The following CCL8 variants were observed in gnomAD, a reference collection of about 807,000 sequenced individuals.
CCL8 encodes C-C motif chemokine 8.
Under a neutral mutation model 6.6 loss-of-function variants are expected in CCL8, and 3 were observed. The ratio of observed to expected loss-of-function variants is 0.45; its 90% CI spans 0.21 to 1.17. The LOEUF (loss-of-function observed/expected upper bound fraction) is 1.17. Among genes scored for constraint, CCL8 ranks in the 50% most tolerant of loss-of-function variants. CCL8 has a pLI of 0.24. For synonymous variants in CCL8, 49 were observed against 41.8 expected, an observed-to-expected ratio of 1.17 and a Z score of -0.67; for missense variants, 127 against 118.1, an observed-to-expected ratio of 1.08 and a Z score of -0.35.
chr17:34,320,735 A>G (rs1479776473), intron 2 of CCL8, 67 bp from the exon 3 acceptor site: 4 of 1,012,130 alleles, frequency 4.0e-6, no homozygotes, highest in Non-Finnish European at 6.0e-6. Flanking sequence ...TCTAGGGACC[A>G]ATGGCCCACA....
rs1208626218 is a variant in CCL8 at position 34,319,692 on chromosome 17, C to T, written c.76+115C>T. The T allele has an allele frequency of 3.9e-6, 3 of 763,366 alleles. No homozygotes were observed. The East Asian group carries it at 7.9e-5, about 20-fold the overall frequency. The allele number at this position is 763,366 out of a possible 1,614,324, so 47.3% of individuals were successfully genotyped here. A position where few individuals can be genotyped will look rare whatever the true frequency, so the allele number is the denominator to read the frequency against. On this transcript the variant is annotated intron_variant, in intron 1 of 2. Transcript: ENST00000394620. ...AAGGCTCAGGTCACTGAGGCTGGTTCCCTTGATCTTTCCTGACCCCAGTTT... is the reference window on the plus strand; with the variant it reads ...AAGGCTCAGGTCACTGAGGCTGGTTTCCTTGATCTTTCCTGACCCCAGTTT...
At chr17:34,320,723 G>T in intron 2 of CCL8, 79 bp from the exon 3 acceptor site, 1 of 920,972 alleles carries the variant, frequency 1.1e-6, no homozygotes, top group Non-Finnish European at 1.7e-6. Flanking sequence ...GGGCTGATCA[G>T]TTCTAGGGAC....
chr17:34,321,044 A>C lies in CCL8; in HGVS notation c.*137A>C, dbSNP rs1909508909. Reference sequence around the variant, plus strand: ...ATTTTTAAATAATTTAAAGCATAATATTTCTTAAAAAGTATTTAATTATAT... The same window carrying C: ...ATTTTTAAATAATTTAAAGCATAATCTTTCTTAAAAAGTATTTAATTATAT... On this transcript the variant is annotated 3_prime_UTR_variant, in exon 3 of 3. Transcript: ENST00000394620. 1 of 579,746 alleles carries C rather than the reference A, an allele frequency of 1.7e-6. No homozygotes were observed. Among genetic ancestry groups the C allele is most frequent in the Non-Finnish European group, 3.0e-6 (1 of 333,796 alleles). The allele number at this position is 579,746 out of a possible 1,614,324, so 35.9% of individuals were successfully genotyped here.
intron 2 of CCL8, 130 bp downstream of exon 2, chr17:34,320,516 A>G: frequency 1.5e-6 from 1 of 675,790 alleles, no homozygotes; most frequent in East Asian, 2.6e-5. Context: ...CCATAGAGAA[A>G]CTCAGTCCAT....
chr17:34,320,260 T>G lies in CCL8; in HGVS notation c.77-9T>G. The G allele has an allele frequency of 6.3e-7, 1 of 1,587,178 alleles. No individual in the cohort carries two copies. Among genetic ancestry groups the G allele is most frequent in the Non-Finnish European group, 8.7e-7 (1 of 1,155,628 alleles). Reference sequence around the variant, plus strand: ...CTAAATGTCTCATTCTTTGCAAAATTTCTTTCAGATTCAGTTTCCATTCCA... The same window carrying G: ...CTAAATGTCTCATTCTTTGCAAAATGTCTTTCAGATTCAGTTTCCATTCCA... On this transcript the variant is annotated splice_polypyrimidine_tract_variant and intron_variant, in intron 1 of 2. Transcript: ENST00000394620.
chr17:34,320,399 T>C lies in CCL8; in HGVS notation c.194+13T>C. ...AGGAAGCTGTGATGTGAGTGGACAG[T>C]GCCTGGCACCCCCATTCAAAAGTTC... is the stretch of plus-strand genomic sequence containing the variant. On this transcript the variant is annotated intron_variant, in intron 2 of 2. Transcript: ENST00000394620. 1 of 1,511,284 alleles carries C rather than the reference T, an allele frequency of 6.6e-7. No homozygotes were observed. The highest frequency in any genetic ancestry group is 9.2e-7 in the Non-Finnish European group (1 of 1,086,152). The allele number at this position is 1,511,284 out of a possible 1,614,324, so 93.6% of individuals were successfully genotyped here. A position where few individuals can be genotyped will look rare whatever the true frequency, so the allele number is the denominator to read the frequency against.
Position 34,320,823 on chromosome 17 carries a change from G to A in CCL8, c.216G>A (p.Lys72=), listed in dbSNP as rs1232177078. 1.2e-6 allele frequency: 2 copies of A among 1,606,888 alleles called. No individual in the cohort carries two copies. Among genetic ancestry groups the A allele is most frequent in the Non-Finnish European group, 1.7e-6 (2 of 1,177,662 alleles). The stretch of plus-strand genomic sequence containing the variant: ...ACAGCTTCAAGACCAAACGGGGCAA[G>A]GAGGTCTGTGCTGACCCCAAGGAGA... ...EAVIFKTKRG[K]EVCADPKERW... is the part of the protein sequence containing the mutation. Residue 72 remains lysine, a synonymous_variant, in exon 3 of 3, where the codon AAG becomes AAA. Coordinates refer to ENST00000394620, the MANE Select transcript of CCL8 (RefSeq NM_005623.3).
Position 34,320,256 on chromosome 17 carries a change from A to G in CCL8, c.77-13A>G, listed in dbSNP as rs1909478661. The G allele has an allele frequency of 6.3e-7, 1 of 1,579,486 alleles. No homozygotes were observed. The highest frequency in any genetic ancestry group is 1.3e-5 in the African/African-American group (1 of 74,336). Reference sequence around the variant, plus strand: ...GGTCCTAAATGTCTCATTCTTTGCAAAATTTCTTTCAGATTCAGTTTCCAT... The same window carrying G: ...GGTCCTAAATGTCTCATTCTTTGCAGAATTTCTTTCAGATTCAGTTTCCAT... On this transcript the variant is annotated splice_polypyrimidine_tract_variant and intron_variant, in intron 1 of 2. Coordinates refer to ENST00000394620, the MANE Select transcript of CCL8 (RefSeq NM_005623.3).
chr17:34,319,696 T>C, intron 1 of CCL8, 119 bp downstream of exon 1: 1 of 717,302 alleles, frequency 1.4e-6, no homozygotes, highest in Non-Finnish European at 2.3e-6. Context: ...CTGGTTCCCT[T>C]GATCTTTCCT....
intron 1 of CCL8, among the ~76,000 whole-genome samples, 182 bp from the exon 2 acceptor site, chr17:34,320,087 G>A (rs1202657296): frequency 1.3e-5 from 2 of 152,134 alleles, no homozygotes; most frequent in East Asian, 1.9e-4. Context: ...CAACAATGAC[G>A]GGCCGCAGAG....
rs199719039 is a variant in CCL8 at position 34,320,811 on chromosome 17, C to T, written c.204C>T (p.Thr68=). Residue 68 remains threonine (T), a synonymous_variant, in exon 3 of 3, where the codon ACC becomes ACT. Coordinates refer to ENST00000394620, the MANE Select transcript of CCL8 (RefSeq NM_005623.3). The part of the protein sequence containing the change: ...QCPKEAVIFK[T]KRGKEVCADP... ...CCTCTCTCCCCCACAGCTTCAAGACCAAACGGGGCAAGGAGGTCTGTGCTG... is the reference window on the plus strand; with the variant it reads ...CCTCTCTCCCCCACAGCTTCAAGACTAAACGGGGCAAGGAGGTCTGTGCTG... The T allele has an allele frequency of 6.2e-7, 1 of 1,603,702 alleles. No individual in the cohort carries two copies. The highest frequency in any genetic ancestry group is 1.1e-5 in the South Asian group (1 of 89,358).
chr17:34,320,128 A>G (rs1909475270), intron 1 of CCL8, 141 bp from the exon 2 acceptor site: 1 of 622,648 alleles, frequency 1.6e-6, no homozygotes, highest in Non-Finnish European at 2.9e-6. Flanking sequence ...CACAGGCAAC[A>G]TTTTATCTCT....
intron 2 of CCL8, 127 bp downstream of exon 2, chr17:34,320,513 G>T: frequency 2.9e-6 from 2 of 682,826 alleles, no homozygotes; most frequent in Non-Finnish European, 5.2e-6. Context: ...ACCCCATAGA[G>T]AAACTCAGTC....
chr17:34,319,685 G>C, intron 1 of CCL8, 108 bp downstream of exon 1: 2 of 828,580 alleles, frequency 2.4e-6, no homozygotes, highest in Non-Finnish European at 3.8e-6. Flanking sequence ...GGTCACTGAG[G>C]CTGGTTCCCT....
In CCL8 at chr17:34,321,007, C is replaced by T; in HGVS notation, c.*100C>T. The T allele has an allele frequency of 3.1e-6, 2 of 644,048 alleles. No homozygotes were observed. Among genetic ancestry groups the T allele is most frequent in the South Asian group, 4.0e-5 (2 of 49,902 alleles). The allele number at this position is 644,048 out of a possible 1,614,324, so 39.9% of individuals were successfully genotyped here. A position where few individuals can be genotyped will look rare whatever the true frequency, so the allele number is the denominator to read the frequency against. ...TGTGACATTATTTTATTATAACATCCACAAAGAGATTATTTTTAAATAATT... is the reference window on the plus strand; with the variant it reads ...TGTGACATTATTTTATTATAACATCTACAAAGAGATTATTTTTAAATAATT... On this transcript the variant is annotated 3_prime_UTR_variant, in exon 3 of 3. Coordinates refer to ENST00000394620, the MANE Select transcript of CCL8 (RefSeq NM_005623.3).
At position 34,320,327 on chromosome 17, in the gene CCL8, C is replaced by G; in HGVS notation, c.135C>G (p.Ile45Met). The change falls in exon 2 of 3, where the codon ATC (isoleucine) becomes ATG (methionine). Residue 45 changes from isoleucine (I) to methionine (M), a missense_variant. Physicochemically the swap from Ile to Met is conservative, Grantham distance 10. Coordinates refer to ENST00000394620, the MANE Select transcript of CCL8 (RefSeq NM_005623.3). ...ACGTGATCAATAGGAAAATTCCTATCCAGAGGCTGGAGAGCTACACAAGAA... is the reference window on the plus strand; with the variant it reads ...ACGTGATCAATAGGAAAATTCCTATGCAGAGGCTGGAGAGCTACACAAGAA... Reference protein sequence around the residue: ...CFNVINRKIPIQRLESYTRIT... With the variant: ...CFNVINRKIPMQRLESYTRIT... 1 of 1,613,758 alleles carries G rather than the reference C, an allele frequency of 6.2e-7. No homozygotes were observed.
intron 1 of CCL8, 42 bp downstream of exon 1, chr17:34,319,619 TA>T: frequency 6.9e-7 from 1 of 1,439,216 alleles, no homozygotes; most frequent in Non-Finnish European, 9.8e-7. Flanking sequence ...AAAGAGGAAT[TA>T]AGAAGAGCCA....
In CCL8 at chr17:34,321,283, G is replaced by T. The variant is rs201092550; in HGVS notation, c.*376G>T. 2.6e-4 allele frequency: 50 copies of T among 195,624 alleles called. No homozygotes were observed. Among genetic ancestry groups the T allele is most frequent in the Non-Finnish European group, 1.9e-4 (19 of 97,804 alleles). 12.1% of individuals were successfully genotyped at this position (195,624 alleles called of 1,614,324 possible). ...ACTTTGGTATTCTTTGGCAATCAGTGCTCCTGTAAGTCAAATGTGTGCTTT... is the reference window on the plus strand; with the variant it reads ...ACTTTGGTATTCTTTGGCAATCAGTTCTCCTGTAAGTCAAATGTGTGCTTT... On this transcript the variant is annotated 3_prime_UTR_variant, in exon 3 of 3. Coordinates refer to ENST00000394620, the MANE Select transcript of CCL8 (RefSeq NM_005623.3).
At chr17:34,319,851 C>T (rs1909468153) in intron 1 of CCL8, among the ~76,000 whole-genome samples, 1 of 152,158 alleles carries the variant, frequency 6.6e-6, no homozygotes, top group African/African-American at 2.4e-5. Context: ...AAACTATTGC[C>T]TGAAGCTTCA....
Sources: allele counts gnomAD v4.1 joint callset (sites outside exome capture counted in the v4.1 genomes callset), GRCh38; gene constraint gnomAD v4.1.1; transcripts MANE v1.5; gene names NCBI Gene and HGNC (gene_info 2026-07-23, HGNC 2026-07-21).